The following CD70 variants were observed in gnomAD, a reference collection of about 807,000 sequenced individuals.
CD70 encodes the protein CD70 molecule, also known as CD70 antigen.
Under a neutral mutation model 9.0 loss-of-function variants are expected in CD70, and 6 were observed. That is an observed-to-expected ratio of 0.67 (90% CI 0.37 to 1.32). CD70 has a LOEUF of 1.32. CD70 is among the 40% of genes most tolerant of loss of function. CD70 has a pLI of 0.02. For missense variants in CD70, 235 were observed against 258.7 expected, an observed-to-expected ratio of 0.91 and a Z score of 0.63; for synonymous variants, 108 against 112.3, an observed-to-expected ratio of 0.96 and a Z score of 0.24.
chr19:6,582,318 G>A (rs60362047), downstream of CD70, among the ~76,000 whole-genome samples: 5,775 of 149,950 alleles, frequency 0.039, 133 homozygotes, highest in South Asian at 0.067. Flanking sequence ...TTATAGGCAT[G>A]AGCCACTGTG....
Position 6,590,109 on chromosome 19 carries a change from G to C in CD70, c.190C>G (p.His64Asp). Residue 64 changes from histidine (H) to aspartate (D), a missense_variant, in exon 2 of 3, where the codon CAC becomes GAC. Coordinates refer to ENST00000245903, the MANE Select transcript of CD70 (RefSeq NM_001252.5). The surrounding 1 kb of genome is among the most constrained non-coding windows in gnomAD (Gnocchi z 5.3). ...GWDVAELQLNHTGPQQDPRLY... is the reference protein window; with the variant it reads ...GWDVAELQLNDTGPQQDPRLY... ...TCCACGTCCCCCGTGTTACCTGTGTGATTCAGCTGCAGCTCAGCTACGTCC... is the reference window on the plus strand; with the variant it reads ...TCCACGTCCCCCGTGTTACCTGTGTCATTCAGCTGCAGCTCAGCTACGTCC... 1 of 1,613,312 alleles carries C rather than the reference G, an allele frequency of 6.2e-7. No homozygotes were observed. Among genetic ancestry groups the C allele is most frequent in the Non-Finnish European group, 8.5e-7 (1 of 1,179,492 alleles).
chr19:6,584,085 G>A (rs1280926906), downstream of CD70, among the ~76,000 whole-genome samples: 2 of 146,828 alleles, frequency 1.4e-5, no homozygotes, highest in African/African-American at 2.5e-5. Flanking sequence ...GAGCCACCGC[G>A]CCTGGCCTGT....
At chr19:6,584,546 A>G (rs1568430617), downstream of CD70, among the ~76,000 whole-genome samples, 1 of 140,072 alleles carries the variant, frequency 7.1e-6, no homozygotes, top group African/African-American at 2.7e-5. Context: ...ATCTTTAAAT[A>G]CTGGTAAATT....
chr19:6,582,535 C>G (rs1359330871), downstream of CD70, among the ~76,000 whole-genome samples: 1 of 150,682 alleles, frequency 6.6e-6, no homozygotes, highest in Non-Finnish European at 1.5e-5. Context: ...CACGACAGGC[C>G]CCGGTGTGTG....
intron 2 of CD70, among the ~76,000 whole-genome samples, chr19:6,587,635 T>TG (rs1916058107): frequency 6.6e-6 from 1 of 151,934 alleles, no homozygotes; most frequent in African/African-American, 2.4e-5. Context: ...CCTTTTTTTT[T>TG]CTTGCTTTCC....
chr19:6,588,366 G>GA (rs1916075469), intron 2 of CD70, among the ~76,000 whole-genome samples: 1 of 151,828 alleles, frequency 6.6e-6, no homozygotes, highest in Non-Finnish European at 1.5e-5. Context: ...CAAATTACAG[G>GA]AAAAATATGG....
intron 2 of CD70, among the ~76,000 whole-genome samples, chr19:6,587,343 T>A (rs575689660): frequency 2.7e-5 from 4 of 147,750 alleles, no homozygotes; most frequent in East Asian, 4.0e-4. Flanking sequence ...AGTGTGTGTG[T>A]GAGAGAGGAC....
chr19:6,589,956 T>C, intron 2 of CD70, 147 bp downstream of exon 2: 1 of 576,056 alleles, frequency 1.7e-6, no homozygotes, highest in African/African-American at 1.9e-5. Flanking sequence ...CCCCTCTCCG[T>C]TTCCCTCCCT....
In CD70 at chr19:6,586,097, T is replaced by C; in HGVS notation, c.505A>G (p.Thr169Ala). 2 of 1,614,046 alleles carry C rather than the reference T, an allele frequency of 1.2e-6. No homozygotes were observed. Among genetic ancestry groups the C allele is most frequent in the Non-Finnish European group, 1.7e-6 (2 of 1,179,928 alleles). ...TPLARGDTLC[T>A]NLTGTLLPSR... ...GGCAAAAGTGTCCCAGTGAGGTTGGTGCAGAGTGTGTCCCCTCGGGCCAGG... is the reference window on the plus strand; with the variant it reads ...GGCAAAAGTGTCCCAGTGAGGTTGGCGCAGAGTGTGTCCCCTCGGGCCAGG... The change falls in exon 3 of 3, where the codon ACC becomes GCC. Residue 169 changes from threonine (T) to alanine (A), a missense_variant. Thr to Ala is a moderately conservative substitution (Grantham distance 58, BLOSUM62 0). Transcript: ENST00000245903.
chr19:6,583,062 C>T (rs1006331895), downstream of CD70: 4 of 354,530 alleles, frequency 1.1e-5, no homozygotes, highest in East Asian at 4.4e-5. Context: ...GGGCGGGTGG[C>T]GCATGGGTCT....
Position 6,585,913 on chromosome 19 carries a change from C to T in CD70, c.*107G>A. On this transcript the variant is annotated 3_prime_UTR_variant, in exon 3 of 3. Transcript: ENST00000245903. Reference sequence around the variant, plus strand: ...TCTCTTGTCCTGCCACCACTACCCCCCACCACACTCCCACCCCAACCCCGG... The same window carrying T: ...TCTCTTGTCCTGCCACCACTACCCCTCACCACACTCCCACCCCAACCCCGG... 1 of 735,562 alleles carries T rather than the reference C, an allele frequency of 1.4e-6. No homozygotes were observed. The allele number at this position is 735,562 out of a possible 1,614,324, so 45.6% of individuals were successfully genotyped here. A position where few individuals can be genotyped will look rare whatever the true frequency, so the allele number is the denominator to read the frequency against.
rs752552383 is a variant in CD70, at chr19:6,586,110, C to A, written c.492G>T (p.Gly164=). 2.5e-6 allele frequency: 4 copies of A among 1,614,008 alleles called. No homozygotes were observed. The Admixed American group carries it at 5.0e-5, about 20-fold the overall frequency. Residue 164 remains glycine, a synonymous_variant, in exon 3 of 3, where the codon GGG becomes GGT. Transcript: ENST00000245903. ...CAGTGAGGTTGGTGCAGAGTGTGTCCCCTCGGGCCAGGGGCGTCAGGCGCT... is the reference window on the plus strand; with the variant it reads ...CAGTGAGGTTGGTGCAGAGTGTGTCACCTCGGGCCAGGGGCGTCAGGCGCT... ...ASQRLTPLAR[G]DTLCTNLTGT...
At position 6,586,329 on chromosome 19, in the gene CD70, C is replaced by T; in HGVS notation, c.273G>A (p.Leu91=). 6.2e-7 allele frequency: 1 copy of T among 1,613,622 alleles called. No homozygotes were observed. The highest frequency in any genetic ancestry group is 8.5e-7 in the Non-Finnish European group (1 of 1,180,028). The change falls in exon 3 of 3, where the codon CTG becomes CTA. Residue 91 remains leucine, a synonymous_variant. Coordinates refer to ENST00000245903, the MANE Select transcript of CD70 (RefSeq NM_001252.5). ...GATGGATACGTAGCTGCCCCTTGTC[C>T]AGCTCTGGTCCATGCAGGAAGGAGC... The part of the protein sequence containing the change: ...LGRSFLHGPE[L]DKGQLRIHRD...
At chr19:6,585,585 GC>G (rs1915997119), downstream of CD70, among the ~76,000 whole-genome samples, 1 of 151,994 alleles carries the variant, frequency 6.6e-6, no homozygotes, top group Non-Finnish European at 1.5e-5. Context: ...CAAGCGATCT[GC>G]CTTCCTCAGC....
In CD70 at chr19:6,590,285, T is replaced by G. The variant is rs930020360; in HGVS notation, c.163-149A>C. The G allele has an allele frequency of 2.0e-5, 13 of 654,546 alleles. No homozygotes were observed. Among genetic ancestry groups the G allele is most frequent in the Middle Eastern group, 2.6e-4 (1 of 3,796 alleles). The allele number at this position is 654,546 out of a possible 1,614,324, so 40.5% of individuals were successfully genotyped here. A position where few individuals can be genotyped will look rare whatever the true frequency, so the allele number is the denominator to read the frequency against. On this transcript the variant is annotated intron_variant, in intron 1 of 2. Transcript: ENST00000245903. This position sits in a 1 kb window ranked among gnomAD's most constrained non-coding sequence, Gnocchi z 5.3. ...TGGTGATTTTATTTCATTTTATTTT[T>G]TTTTACTCTTAAGACTTCTTAAAGA... is the stretch of plus-strand genomic sequence containing the variant.
chr19:6,590,126 G>A lies in CD70; in HGVS notation c.173C>T (p.Ala58Val). 1 of 1,613,652 alleles carries A rather than the reference G, an allele frequency of 6.2e-7. No individual in the cohort carries two copies. The highest frequency in any genetic ancestry group is 8.5e-7 in the Non-Finnish European group (1 of 1,179,668). Residue 58 changes from alanine to valine, a missense_variant, in exon 2 of 3, where the codon GCT becomes GTT. Transcript: ENST00000245903. The surrounding 1 kb of genome is among the most constrained non-coding windows in gnomAD (Gnocchi z 5.3). The part of the protein sequence containing the change: ...LPLESLGWDV[A>V]ELQLNHTGPQ... ...ACCTGTGTGATTCAGCTGCAGCTCA[G>A]CTACGTCCCACTGGAAGAAAAGACC... is the stretch of plus-strand genomic sequence containing the variant.
downstream of CD70, chr19:6,583,525 C>A: frequency 1.8e-6 from 1 of 550,810 alleles, no homozygotes; most frequent in Non-Finnish European, 3.2e-6. Flanking sequence ...CAATCTCTGA[C>A]CTGAACTAAC....
At chr19:6,584,654 T>C (rs1215522751), downstream of CD70, among the ~76,000 whole-genome samples, 5 of 144,958 alleles carry the variant, frequency 3.4e-5, no homozygotes, top group Non-Finnish European at 7.5e-5. Flanking sequence ...TTTCGGGAGA[T>C]TGGAGTTTGA....
In CD70 at chr19:6,590,951, C is replaced by T. The variant is rs139447880; in HGVS notation, c.52G>A (p.Val18Ile). The change falls in exon 1 of 3, where the codon GTC becomes ATC. Residue 18 changes from valine to isoleucine, a missense_variant. Transcript: ENST00000245903. This position sits in a 1 kb window ranked among gnomAD's most constrained non-coding sequence, Gnocchi z 5.3. ...CSVRRRPYGC[V>I]LRAALVPLVA... is the part of the protein sequence containing the mutation. ...AATGGGACCAAAGCAGCCCGCAGGA[C>T]GCACCCATAGGGCCTGCGCCGCACC... The T allele has an allele frequency of 2.1e-4, 333 of 1,613,858 alleles. No individual in the cohort carries two copies. The highest frequency in any genetic ancestry group is 2.7e-4 in the Non-Finnish European group (322 of 1,179,954).
Sources: allele counts gnomAD v4.1 joint callset (sites outside exome capture counted in the v4.1 genomes callset), GRCh38; gene constraint gnomAD v4.1.1; non-coding constraint Gnocchi (gnomAD v3.1); transcripts MANE v1.5; gene names NCBI Gene and HGNC (gene_info 2026-07-23, HGNC 2026-07-21).